The following TUSC3 variants were observed in gnomAD, a reference collection of about 807,000 sequenced individuals.
The protein encoded by TUSC3 is dolichyl-diphosphooligosaccharide--protein glycosyltransferase subunit TUSC3.
TUSC3 carries 45 observed loss-of-function variants against 44.8 expected under a neutral mutation model. The ratio of observed to expected loss-of-function variants is 1.00; its 90% CI spans 0.79 to 1.29. The LOEUF (loss-of-function observed/expected upper bound fraction) is 1.29, where lower values mean the gene tolerates loss of function less well. Ranked by LOEUF, TUSC3 falls within the 50% of genes most tolerant of loss-of-function variation. The pLI is 0.00. For missense variants in TUSC3, 519 were observed against 437.9 expected (o/e 1.19, Z -1.65); for synonymous variants, 212 against 152.9 (o/e 1.39, Z -2.85).
intron 1 of TUSC3, among the ~76,000 whole-genome samples, chr8:15,562,191 C>G (rs774514752): frequency 4.6e-5 from 7 of 152,080 alleles, no homozygotes; most frequent in Non-Finnish European, 1.0e-4. Context: ...ACAATTACTG[C>G]GTGAGGTTGA....
intron 1 of TUSC3, among the ~76,000 whole-genome samples, chr8:15,441,136 G>A (rs545453826): frequency 6.6e-6 from 1 of 152,372 alleles, no homozygotes; most frequent in Admixed American, 6.5e-5. Context: ...GCCAGGCACA[G>A]TGGCTCACGC....
At chr8:15,748,720 A>C in intron 9 of TUSC3, 1 of 618,952 alleles carries the variant, frequency 1.6e-6, no homozygotes, top group South Asian at 1.4e-5. Flanking sequence ...AATGAGGTTT[A>C]AGCTCATTTT....
chr8:15,775,328 T>C, the TUSC3 span, among the ~76,000 whole-genome samples: 8 of 152,154 alleles, frequency 5.3e-5, no homozygotes, highest in African/African-American at 1.9e-4. Context: ...AGTGACTATT[T>C]AGTGGCTTGA....
intron 6 of TUSC3, among the ~76,000 whole-genome samples, chr8:15,717,461 C>T (rs912297678): frequency 6.6e-6 from 1 of 151,882 alleles, no homozygotes; most frequent in African/African-American, 2.4e-5. Context: ...ATCTGGTATC[C>T]CAATCATATC....
chr8:15,657,008 C>A (rs1198416794), intron 3 of TUSC3, among the ~76,000 whole-genome samples: 1 of 152,044 alleles, frequency 6.6e-6, no homozygotes, highest in Non-Finnish European at 1.5e-5. Flanking sequence ...GAGTGGACAC[C>A]CCAAGTGGCT....
intron 4 of TUSC3, among the ~76,000 whole-genome samples, chr8:15,661,801 TC>T (rs1807438693): frequency 2.0e-5 from 1 of 50,762 alleles, no homozygotes; most frequent in South Asian, 3.4e-4. Flanking sequence ...AGCTAGTTTG[TC>T]TATATATATA....
intron 6 of TUSC3, among the ~76,000 whole-genome samples, chr8:15,705,494 A>C (rs1055719881): frequency 2.6e-5 from 4 of 152,124 alleles, no homozygotes; most frequent in Non-Finnish European, 4.4e-5. Context: ...ATAAACTCTG[A>C]ATAAAATATT....
intron 6 of TUSC3, among the ~76,000 whole-genome samples, chr8:15,720,340 T>C (rs74926332): frequency 0.043 from 6,565 of 151,780 alleles, 263 homozygotes; most frequent in East Asian, 0.21. Flanking sequence ...CTTAAAGAAA[T>C]ATAAAATTAC....
chr8:15,738,242 A>T (rs183692469), intron 7 of TUSC3, among the ~76,000 whole-genome samples: 2 of 152,334 alleles, frequency 1.3e-5, no homozygotes, highest in Admixed American at 1.3e-4. Flanking sequence ...TATGTCTAGT[A>T]ATCCCTTTGC....
intron 6 of TUSC3, among the ~76,000 whole-genome samples, chr8:15,710,095 C>T (rs1809781913): frequency 6.6e-6 from 1 of 151,790 alleles, no homozygotes; most frequent in African/African-American, 2.4e-5. Flanking sequence ...GCTCCCCTCC[C>T]TGCCCTTTTC....
At position 15,686,708 on chromosome 8, in the gene TUSC3, A is replaced by G. The variant is rs138746006; in HGVS notation, c.798+12872A>G. ...GAAATATTTACAAAGGGCATTCAGTAGCTTTATTACAGTCTTCATACCACC... is the reference window on the plus strand; with the variant it reads ...GAAATATTTACAAAGGGCATTCAGTGGCTTTATTACAGTCTTCATACCACC... On this transcript the variant is annotated intron_variant, in intron 6 of 10. Coordinates refer to ENST00000503731, the MANE Select transcript of TUSC3 (RefSeq NM_006765.4). Among the ~76,000 whole-genome samples, 1,388 of 152,274 alleles carry G rather than the reference A, an allele frequency of 9.1e-3. 10 individuals carry two copies. Among genetic ancestry groups the G allele is most frequent in the Middle Eastern group, 0.024 (7 of 294 alleles).
At chr8:15,589,134 A>G (rs1420572475) in intron 1 of TUSC3, among the ~76,000 whole-genome samples, 4 of 152,138 alleles carry the variant, frequency 2.6e-5, no homozygotes, top group South Asian at 4.1e-4. Flanking sequence ...AGCTACTCCT[A>G]CACCCTTTTG....
chr8:15,812,829 T>C, the TUSC3 span, among the ~76,000 whole-genome samples: 1 of 152,098 alleles, frequency 6.6e-6, no homozygotes, highest in Non-Finnish European at 1.5e-5. Flanking sequence ...GGTGTGTTGG[T>C]TCACGCCTGT....
the TUSC3 span, among the ~76,000 whole-genome samples, chr8:15,814,822 A>G: frequency 6.6e-6 from 1 of 152,180 alleles, no homozygotes; most frequent in Non-Finnish European, 1.5e-5. Flanking sequence ...ATATCTTGCC[A>G]TAGGCTGAAA....
At chr8:15,636,277 C>A (rs906392903) in intron 2 of TUSC3, among the ~76,000 whole-genome samples, 1 of 152,118 alleles carries the variant, frequency 6.6e-6, no homozygotes, top group Non-Finnish European at 1.5e-5. Flanking sequence ...GAGGGCTCCA[C>A]TGGGCCATTA....
intron 1 of TUSC3, among the ~76,000 whole-genome samples, chr8:15,621,216 A>G (rs1473481807): frequency 1.3e-5 from 2 of 151,744 alleles, no homozygotes; most frequent in Non-Finnish European, 2.9e-5. Context: ...TCAAGGCTCA[A>G]AAGAATTTAT....
chr8:15,628,477 T>G (rs1805614320), intron 2 of TUSC3, among the ~76,000 whole-genome samples: 1 of 152,186 alleles, frequency 6.6e-6, no homozygotes, highest in Non-Finnish European at 1.5e-5. Flanking sequence ...AAACTTAGCA[T>G]TTTAAAAGAG....
intron 2 of TUSC3, among the ~76,000 whole-genome samples, chr8:15,636,020 G>A (rs1273784435): frequency 6.6e-6 from 1 of 152,210 alleles, no homozygotes. Flanking sequence ...AGTGGCAGAT[G>A]ATATGGTTAG....
intron 1 of TUSC3, among the ~76,000 whole-genome samples, chr8:15,567,448 C>A (rs1180789138): frequency 1.3e-5 from 2 of 152,136 alleles, no homozygotes; most frequent in East Asian, 3.8e-4. Flanking sequence ...TAGGTACTTA[C>A]TTATTTAACA....
Sources: gnomAD v4.1 joint callset for allele counts (sites outside exome capture counted in the v4.1 genomes callset) on GRCh38, gnomAD v4.1.1 for gene constraint, MANE v1.5 for transcripts, NCBI Gene and HGNC (gene_info 2026-07-23, HGNC 2026-07-21) for gene names.